Variants in MYOCD observed in about 807,000 individuals in gnomAD.
The protein encoded by MYOCD is myocardin.
A neutral mutation model predicts 96.1 loss-of-function variants in MYOCD; 32 were observed. The observed-to-expected ratio is 0.33, with a 90% confidence interval of 0.25 to 0.45. The LOEUF (loss-of-function observed/expected upper bound fraction) is 0.45, where lower values mean the gene tolerates loss of function less well. Ranked by LOEUF, MYOCD falls within the 20% of genes least tolerant of loss-of-function variation. The probability of loss-of-function intolerance (pLI) is 1.00; values close to 1 mark genes in which losing one functional copy is unlikely to be tolerated. For missense variants in MYOCD, 1,133 were observed against 1,200.6 expected (o/e 0.94, Z 0.83); for synonymous variants, 469 against 469.0 (o/e 1.00, Z 0.00).
chr17:12,746,473 T>C (rs1315775168), intron 9 of MYOCD, among the ~76,000 whole-genome samples: 1 of 152,114 alleles, frequency 6.6e-6, no homozygotes, highest in Non-Finnish European at 1.5e-5. Context: ...TATTTTACCA[T>C]AGCAAAAAAT....
chr17:12,699,399 C>T (rs2030950036), intron 1 of MYOCD, among the ~76,000 whole-genome samples: 2 of 152,238 alleles, frequency 1.3e-5, no homozygotes, highest in African/African-American at 4.8e-5. Flanking sequence ...GCTGGGATTA[C>T]AGGCATGAGC....
At chr17:12,719,525 C>A (rs980615540) in intron 4 of MYOCD, among the ~76,000 whole-genome samples, 1 of 151,736 alleles carries the variant, frequency 6.6e-6, no homozygotes, top group Non-Finnish European at 1.5e-5. Context: ...ATGGATCAAC[C>A]ATACAATTTA....
intron 1 of MYOCD, among the ~76,000 whole-genome samples, chr17:12,688,143 T>A (rs2030226184): frequency 6.6e-6 from 1 of 152,198 alleles, no homozygotes; most frequent in Non-Finnish European, 1.5e-5. Flanking sequence ...CTGAAAGCAT[T>A]GGAAAGTCTC....
chr17:12,670,566 A>T (rs1909651369), intron 1 of MYOCD, among the ~76,000 whole-genome samples: 1 of 152,216 alleles, frequency 6.6e-6, no homozygotes, highest in African/African-American at 2.4e-5. Context: ...ATCTACCTTC[A>T]TTGGCAATTA....
At position 12,763,544 on chromosome 17, in the gene MYOCD, C is replaced by T. The variant is rs1418579129; in HGVS notation, c.2861C>T (p.Ala954Val). Reference sequence around the variant, plus strand: ...CCAAATTCCACACCAGGCTTTAGCGCCCTCACCACCAGCAGCCCCAGCATC... The same window carrying T: ...CCAAATTCCACACCAGGCTTTAGCGTCCTCACCACCAGCAGCCCCAGCATC... ...TPPNSTPGFS[A>V]LTTSSPSIFN... The change falls in exon 14 of 14, where the codon GCC becomes GTC. Residue 954 changes from alanine (A) to valine (V), a missense_variant. Ala to Val is a moderately conservative substitution (Grantham distance 64). Transcript: ENST00000425538. The T allele has an allele frequency of 6.2e-7, 1 of 1,614,060 alleles. No individual in the cohort carries two copies. Among genetic ancestry groups the T allele is most frequent in the Non-Finnish European group, 8.5e-7 (1 of 1,180,050 alleles).
chr17:12,710,906 T>A (rs1337236253), intron 2 of MYOCD, among the ~76,000 whole-genome samples: 1 of 152,194 alleles, frequency 6.6e-6, no homozygotes, highest in Non-Finnish European at 1.5e-5. Flanking sequence ...TCCCTGTTCC[T>A]TAGAAACTAG....
Position 12,764,359 on chromosome 17 carries a change from C to CCA in MYOCD, c.*716_*717dup, listed in dbSNP as rs1414556886. The CCA allele has an allele frequency of 1.3e-5, 2 of 152,200 alleles. No individual in the cohort carries two copies. Among genetic ancestry groups the CCA allele is most frequent in the Non-Finnish European group, 2.9e-5 (2 of 68,100 alleles). 9.4% of individuals were successfully genotyped at this position (152,200 alleles called of 1,614,324 possible). A position where few individuals can be genotyped will look rare whatever the true frequency, so the allele number is the denominator to read the frequency against. ...ACTTTCTTCTTTTTTAACTAGTGGCCCAATCATTCCCACCATCTCTGTGCT... is the reference window on the plus strand; with the variant it reads ...ACTTTCTTCTTTTTTAACTAGTGGCCCACAATCATTCCCACCATCTCTGTGCT... On this transcript the variant is annotated 3_prime_UTR_variant, in exon 14 of 14. Coordinates refer to ENST00000425538, the MANE Select transcript of MYOCD (RefSeq NM_001146312.3).
intron 1 of MYOCD, among the ~76,000 whole-genome samples, chr17:12,682,968 A>G (rs1352769586): frequency 6.7e-6 from 1 of 149,216 alleles, no homozygotes; most frequent in African/African-American, 2.4e-5. Flanking sequence ...AAAAAGGAAC[A>G]CTTATTATAA....
chr17:12,710,611 C>A, intron 2 of MYOCD: 1 of 495,850 alleles, frequency 2.0e-6, no homozygotes, highest in Non-Finnish European at 2.6e-6. Context: ...ACCCATATCA[C>A]ATGCAGCTTC....
chr17:12,716,117 T>C (rs2031632328), intron 3 of MYOCD, among the ~76,000 whole-genome samples: 1 of 152,218 alleles, frequency 6.6e-6, no homozygotes, highest in Non-Finnish European at 1.5e-5. Context: ...GTCAATAATA[T>C]ATTAATAAAT....
chr17:12,737,591 C>T lies in MYOCD; in HGVS notation c.591+1255C>T, dbSNP rs369401130. On this transcript the variant is annotated intron_variant, in intron 6 of 13. Coordinates refer to ENST00000425538, the MANE Select transcript of MYOCD (RefSeq NM_001146312.3). ...CGTAAGTGTGAAAGCCAGATGTGAG[C>T]TCTTCCAACTCTGTCTCTATCCAGA... 4.6e-5 allele frequency among the ~76,000 whole-genome samples: 7 copies of T among 152,132 alleles called. No homozygotes were observed. The East Asian group carries it at 1.3e-3, about 29-fold the overall frequency.
At chr17:12,758,471 A>G (rs1192142701) in intron 12 of MYOCD, among the ~76,000 whole-genome samples, 1 of 152,232 alleles carries the variant, frequency 6.6e-6, no homozygotes, top group African/African-American at 2.4e-5. Context: ...ACTGTCACTA[A>G]GGTGAATACT....
chr17:12,670,573 A>G (rs924289152), intron 1 of MYOCD, among the ~76,000 whole-genome samples: 31 of 152,338 alleles, frequency 2.0e-4, no homozygotes, highest in African/African-American at 7.0e-4. Context: ...TTCATTGGCA[A>G]TTAGTTTTCT....
chr17:12,687,443 T>C (rs2030184694), intron 1 of MYOCD, among the ~76,000 whole-genome samples: 1 of 152,154 alleles, frequency 6.6e-6, no homozygotes, highest in African/African-American at 2.4e-5. Flanking sequence ...CGTGGACTAT[T>C]TAGAAGAAAT....
intron 7 of MYOCD, among the ~76,000 whole-genome samples, chr17:12,741,888 A>G (rs1834151671): frequency 6.6e-6 from 1 of 151,966 alleles, no homozygotes; most frequent in African/African-American, 2.4e-5. Flanking sequence ...TGCTTGGTCA[A>G]CAAACACAAA....
In MYOCD at chr17:12,722,962, A is replaced by G; in HGVS notation, c.369A>G (p.Glu123=). 1 of 1,614,084 alleles carries G rather than the reference A, an allele frequency of 6.2e-7. No homozygotes were observed. Among genetic ancestry groups the G allele is most frequent in the Non-Finnish European group, 8.5e-7 (1 of 1,179,992 alleles). Residue 123 remains glutamate (E), a synonymous_variant, in exon 5 of 14, where the codon GAA becomes GAG. Coordinates refer to ENST00000425538, the MANE Select transcript of MYOCD (RefSeq NM_001146312.3). ...ALRPGPLELV[E]KNILPVDSAV... The stretch of plus-strand genomic sequence containing the variant: ...GACCAGGGCCACTGGAGCTGGTGGA[A>G]AAAAACATTCTTCCTGTGGATTCTG...
chr17:12,752,714 A>G lies in MYOCD; in HGVS notation c.1426A>G (p.Asn476Asp). 1 of 1,614,120 alleles carries G rather than the reference A, an allele frequency of 6.2e-7. No homozygotes were observed. The stretch of plus-strand genomic sequence containing the variant: ...CGCTGGGTCCCTGCCGGACACCTTC[A>G]ATGATGCCTCCCCCTCCTTCGGCCT... ...SVAGSLPDTF[N>D]DASPSFGLHP... is the part of the protein sequence containing the mutation. The change falls in exon 10 of 14, where the codon AAT becomes GAT. Residue 476 changes from asparagine to aspartate, a missense_variant. Physicochemically the swap from Asn to Asp is conservative, Grantham distance 23. Coordinates refer to ENST00000425538, the MANE Select transcript of MYOCD (RefSeq NM_001146312.3).
At position 12,744,671 on chromosome 17, in the gene MYOCD, T is replaced by C. The variant is rs73286379; in HGVS notation, c.971+235T>C. 0.068 allele frequency among the ~76,000 whole-genome samples: 10,351 copies of C among 152,174 alleles called. 961 individuals are homozygous for C. Among genetic ancestry groups the C allele is most frequent in the African/African-American group, 0.21 (8,536 of 41,474 alleles). On this transcript the variant is annotated intron_variant, in intron 8 of 13. Coordinates refer to ENST00000425538, the MANE Select transcript of MYOCD (RefSeq NM_001146312.3). ...TCTGCAGATGTATTCCAAACCCTCA[T>C]TGGATCCCTGAAACCTCAGAGAGTA...
At chr17:12,686,668 T>A (rs942354963) in intron 1 of MYOCD, among the ~76,000 whole-genome samples, 1 of 152,216 alleles carries the variant, frequency 6.6e-6, no homozygotes, top group Non-Finnish European at 1.5e-5. Flanking sequence ...GATGAAATGA[T>A]AGCTCTTGTA....
Sources: gnomAD v4.1 joint callset for allele counts (sites outside exome capture counted in the v4.1 genomes callset) on GRCh38, gnomAD v4.1.1 for gene constraint, MANE v1.5 for transcripts, NCBI Gene and HGNC (gene_info 2026-07-23, HGNC 2026-07-21) for gene names.